The following LRRC9 variants were observed in gnomAD, a reference collection of about 807,000 sequenced individuals.
LRRC9 encodes leucine rich repeat containing 9.
A neutral mutation model predicts 63.2 loss-of-function variants in LRRC9; 122 were observed. The observed-to-expected ratio is 1.93, with a 90% CI of 1.67 to 2.24. The LOEUF is 2.24. LRRC9 is among the 30% of genes most tolerant of loss of function. LRRC9 has a pLI of 0.00. For synonymous variants in LRRC9, 366 were observed against 213.1 expected, an observed-to-expected ratio of 1.72 and a Z score of -6.25; for missense variants, 1,071 against 627.7, an observed-to-expected ratio of 1.71 and a Z score of -7.55.
At position 59,966,976 on chromosome 14, in the gene LRRC9, G is replaced by C; in HGVS notation, c.1389-120G>C. 2 of 540,636 alleles carry C rather than the reference G, an allele frequency of 3.7e-6. No homozygotes were observed. The highest frequency in any genetic ancestry group is 6.6e-6 in the Non-Finnish European group (2 of 301,428). 33.5% of individuals were successfully genotyped at this position (540,636 alleles called of 1,614,324 possible). A position where few individuals can be genotyped will look rare whatever the true frequency, so the allele number is the denominator to read the frequency against. On this transcript the variant is annotated intron_variant, in intron 11 of 31. Coordinates refer to ENST00000445360, the Ensembl canonical transcript of LRRC9. The surrounding 1 kb of genome is among the most constrained non-coding windows in gnomAD (Gnocchi z 4.0). ...TGAAGGCAGGGGAGCTATTAATAAT[G>C]ACACTAGAACATTGCATGTCAATGA...
chr14:60,038,158 G>A (rs1360619253), intron 29 of LRRC9, among the ~76,000 whole-genome samples: 2 of 152,074 alleles, frequency 1.3e-5, no homozygotes, highest in Non-Finnish European at 2.9e-5. Context: ...ATGCTGTTTT[G>A]GTTACTGTAG....
intron 1 of LRRC9, among the ~76,000 whole-genome samples, chr14:59,921,099 C>A (rs1888734104): frequency 6.6e-6 from 1 of 152,130 alleles, no homozygotes; most frequent in South Asian, 2.1e-4. Context: ...TGATTTAAAT[C>A]TTTAGGGAAG....
In LRRC9 at chr14:59,938,023, A is replaced by AG. The variant is rs1881234054; in HGVS notation, c.544-363dup. Among the ~76,000 whole-genome samples the AG allele has an allele frequency of 6.6e-6, 1 of 152,116 alleles. No individual in the cohort carries two copies. Among genetic ancestry groups the AG allele is most frequent in the South Asian group, 2.1e-4 (1 of 4,818 alleles). Reference sequence around the variant, plus strand: ...TTTCTAGGTGATAAGTACAGGAAATAGGGGTGAAGAAATCAGAGACCTACA... The same window carrying AG: ...TTTCTAGGTGATAAGTACAGGAAATAGGGGGTGAAGAAATCAGAGACCTACA... On this transcript the variant is annotated intron_variant, in intron 6 of 31. Coordinates refer to ENST00000445360, the Ensembl canonical transcript of LRRC9. This position sits in a 1 kb window ranked among gnomAD's most constrained non-coding sequence, Gnocchi z 4.2.
At position 59,938,864 on chromosome 14, in the gene LRRC9, G is replaced by A. The variant is rs1594823363; in HGVS notation, c.726+292G>A. The stretch of plus-strand genomic sequence containing the variant: ...AAAAATCAGTGTTAAAAATAGACTA[G>A]TGCCATATATATATACACACATATA... On this transcript the variant is annotated intron_variant, in intron 7 of 31. Coordinates refer to ENST00000445360, the Ensembl canonical transcript of LRRC9. The surrounding 1 kb of genome is among the most constrained non-coding windows in gnomAD (Gnocchi z 4.2). Among the ~76,000 whole-genome samples, 2 of 139,922 alleles carry A rather than the reference G, an allele frequency of 1.4e-5. No homozygotes were observed. Among genetic ancestry groups the A allele is most frequent in the Non-Finnish European group, 3.1e-5 (2 of 65,002 alleles). 91.8% of individuals were successfully genotyped at this position (139,922 alleles called of 152,430 possible). A position where few individuals can be genotyped will look rare whatever the true frequency, so the allele number is the denominator to read the frequency against.
At chr14:60,025,209 G>C (rs554248370) in intron 27 of LRRC9, among the ~76,000 whole-genome samples, 1 of 151,906 alleles carries the variant, frequency 6.6e-6, no homozygotes, top group Admixed American at 6.6e-5. Flanking sequence ...TCCCACCTCA[G>C]CTTCCTGAGT....
chr14:60,014,095 T>C (rs1362193890), intron 23 of LRRC9, among the ~76,000 whole-genome samples: 1 of 152,102 alleles, frequency 6.6e-6, no homozygotes, highest in Non-Finnish European at 1.5e-5. Flanking sequence ...TTTTTTTTAG[T>C]GGTTGTTCTA....
At chr14:59,939,732 G>A (rs775055736) in intron 7 of LRRC9, among the ~76,000 whole-genome samples, 6 of 151,890 alleles carry the variant, frequency 4.0e-5, no homozygotes, top group Non-Finnish European at 7.4e-5. Context: ...GCTATTTGAC[G>A]ACATGAGGAA....
At position 59,931,662 on chromosome 14, in the gene LRRC9, GA is replaced by G; in HGVS notation, c.455del (p.Asn152IlefsTer2). 1.4e-6 allele frequency: 1 copy of G among 698,842 alleles called. No homozygotes were observed. Among genetic ancestry groups the G allele is most frequent in the Non-Finnish European group, 2.6e-6 (1 of 382,946 alleles). 43.3% of individuals were successfully genotyped at this position (698,842 alleles called of 1,614,324 possible). A position where few individuals can be genotyped will look rare whatever the true frequency, so the allele number is the denominator to read the frequency against. On this transcript the variant is annotated frameshift_variant, in exon 5 of 32. Coordinates refer to ENST00000445360, the Ensembl canonical transcript of LRRC9. LOFTEE classifies it high-confidence loss of function. ...AATTTAAAAGATCTCAACCTTGCTG[GA>G]AATCTAATAAATAGCATTGGTATGT...
intron 23 of LRRC9, among the ~76,000 whole-genome samples, chr14:60,013,890 A>G (rs550977058): frequency 3.3e-5 from 5 of 152,052 alleles, no homozygotes; most frequent in African/African-American, 9.6e-5. Context: ...ATGAACGAAG[A>G]CCATTTATAT....
At chr14:59,965,410 G>T (rs1158161372) in intron 10 of LRRC9, among the ~76,000 whole-genome samples, 2 of 152,090 alleles carry the variant, frequency 1.3e-5, no homozygotes, top group South Asian at 2.1e-4. Context: ...GGCTTTACTT[G>T]TTTAGGCTTC....
chr14:60,063,669 A>C (rs1894796742), downstream of LRRC9: 1 of 303,352 alleles, frequency 3.3e-6, no homozygotes, highest in Admixed American at 4.8e-5. Flanking sequence ...CAAAGTCCAG[A>C]GAACTGAATG....
At chr14:59,994,665 G>A (rs2140168777) in intron 17 of LRRC9, among the ~76,000 whole-genome samples, 1 of 152,290 alleles carries the variant, frequency 6.6e-6, no homozygotes, top group South Asian at 2.1e-4. Context: ...TATACACCAT[G>A]GAATACTATG....
chr14:59,949,726 CTT>C (rs1882900338), intron 8 of LRRC9, among the ~76,000 whole-genome samples: 1 of 151,536 alleles, frequency 6.6e-6, no homozygotes, highest in Admixed American at 6.6e-5. Flanking sequence ...TCAAAGAACT[CTT>C]TATTTCTGCC....
intron 23 of LRRC9, among the ~76,000 whole-genome samples, chr14:60,012,745 A>G (rs1358973680): frequency 6.6e-6 from 1 of 152,188 alleles, no homozygotes; most frequent in African/African-American, 2.4e-5. Context: ...TTAAATAGCA[A>G]CAGAGAAGCT....
chr14:59,927,383 AAGG>A lies in LRRC9; in HGVS notation c.-33-525_-33-523del, dbSNP rs898440302. Among the ~76,000 whole-genome samples, 53 of 152,192 alleles carry A rather than the reference AAGG, an allele frequency of 3.5e-4. No individual in the cohort carries two copies. Among genetic ancestry groups the A allele is most frequent in the African/African-American group, 1.2e-3 (50 of 41,568 alleles). ...TAGTTGGTTCATATTCTCTAGAATG[AAGG>A]AGAAGTTGGAGTATTTATTTTAATA... On this transcript the variant is annotated intron_variant, in intron 1 of 31. Transcript: ENST00000445360. This position sits in a 1 kb window ranked among gnomAD's most constrained non-coding sequence, Gnocchi z 4.4.
rs554004357 is a variant in LRRC9, at chr14:59,955,325, G to A, written c.883-4493G>A. Among the ~76,000 whole-genome samples, 12 of 152,238 alleles carry A rather than the reference G, an allele frequency of 7.9e-5. 1 individual carries two copies. The South Asian group carries it at 2.5e-3, about 32-fold the overall frequency. On this transcript the variant is annotated intron_variant, in intron 8 of 31. Coordinates refer to ENST00000445360, the Ensembl canonical transcript of LRRC9. ...AATGACTGCCTCAATTTCAGAACTTGTTATTGGTCTTTTCATGGATTCAAC... is the reference window on the plus strand; with the variant it reads ...AATGACTGCCTCAATTTCAGAACTTATTATTGGTCTTTTCATGGATTCAAC...
At chr14:59,924,772 G>A (rs981748464) in intron 1 of LRRC9, among the ~76,000 whole-genome samples, 38 of 151,914 alleles carry the variant, frequency 2.5e-4, no homozygotes, top group Non-Finnish European at 5.3e-4. Flanking sequence ...CACATGATTT[G>A]GCCCTGAAAT....
intron 16 of LRRC9, 73 bp from the exon 17 acceptor site, chr14:59,985,032 A>C: frequency 2.0e-6 from 1 of 488,232 alleles, no homozygotes; most frequent in Non-Finnish European, 3.7e-6. Flanking sequence ...TAAACATTTT[A>C]CATATCCACA....
chr14:59,924,235 G>C (rs867268604), intron 1 of LRRC9, among the ~76,000 whole-genome samples: 9 of 152,138 alleles, frequency 5.9e-5, no homozygotes, highest in African/African-American at 9.7e-5. Context: ...CAGTATATAA[G>C]GGTTTCTCTT....
Sources: gnomAD v4.1 joint callset for allele counts (sites outside exome capture counted in the v4.1 genomes callset) on GRCh38, gnomAD v4.1.1 for gene constraint, Gnocchi (gnomAD v3.1) non-coding constraint, MANE v1.5 for transcripts, NCBI Gene and HGNC (gene_info 2026-07-23, HGNC 2026-07-21) for gene names.